The following PIWIL3 variants were observed in gnomAD, a reference collection of about 807,000 sequenced individuals.
The protein encoded by PIWIL3 is piwi like RNA-mediated gene silencing 3.
PIWIL3 carries 101 observed loss-of-function variants against 109.7 expected under a neutral mutation model. The ratio of observed to expected loss-of-function variants is 0.92; its 90% CI spans 0.78 to 1.09. The LOEUF (loss-of-function observed/expected upper bound fraction) is 1.09, where lower values mean the gene tolerates loss of function less well. Ranked by LOEUF, PIWIL3 falls within the 50% of genes least tolerant of loss-of-function variation. The probability of loss-of-function intolerance (pLI) is 0.00; values close to 1 mark genes in which losing one functional copy is unlikely to be tolerated. For missense variants in PIWIL3, 1,031 were observed against 1,072.6 expected (o/e 0.96, Z 0.54); for synonymous variants, 373 against 376.4 (o/e 0.99, Z 0.10).
Position 24,768,290 on chromosome 22 carries a change from GC to G in PIWIL3, c.-22-5770del, listed in dbSNP as rs536168762. Among the ~76,000 whole-genome samples, 19 of 148,686 alleles carry G rather than the reference GC, an allele frequency of 1.3e-4. 1 individual carries two copies. In the South Asian group the frequency reaches 4.1e-3, roughly 32 times the overall value. On this transcript the variant is annotated intron_variant, in intron 1 of 20. Transcript: ENST00000616349. ...TCTTGAGATGGAGTCTTGCTCTGTT[GC>G]CCAGGCTGGAGTGAGTGCAGTGACA...
At position 24,735,719 on chromosome 22, in the gene PIWIL3, T is replaced by G. The variant is rs1012096615; in HGVS notation, c.1623A>C (p.Lys541Asn). 8.1e-6 allele frequency: 13 copies of G among 1,596,170 alleles called. No individual in the cohort carries two copies. Among genetic ancestry groups the G allele is most frequent in the African/African-American group, 1.4e-5 (1 of 73,846 alleles). ...TCTGCTCTACTTACATTTCTGCTGGTTTCATAGTTATGCCCATGGGGGCTG... is the reference window on the plus strand; with the variant it reads ...TCTGCTCTACTTACATTTCTGCTGGGTTCATAGTTATGCCCATGGGGGCTG... The part of the protein sequence containing the change: ...SVTAPMGITM[K>N]PAEMIEVDGD... Residue 541 changes from lysine to asparagine, a missense_variant, in exon 13 of 21, where the codon AAA becomes AAC. By Grantham distance (94) the Lys-to-Asn change is moderately conservative. Coordinates refer to ENST00000616349, the MANE Select transcript of PIWIL3 (RefSeq NM_001255975.1).
At chr22:24,768,300 G>C (rs972000220) in intron 1 of PIWIL3, among the ~76,000 whole-genome samples, 1 of 151,532 alleles carries the variant, frequency 6.6e-6, no homozygotes, top group Non-Finnish European at 1.5e-5. Context: ...GCCCAGGCTG[G>C]AGTGAGTGCA....
intron 20 of PIWIL3, 49 bp from the exon 21 acceptor site, chr22:24,719,637 C>T (rs1429496654): frequency 1.7e-5 from 26 of 1,535,254 alleles, no homozygotes; most frequent in Admixed American, 1.2e-4. Flanking sequence ...CACTTTACAT[C>T]TACTTTCCCT....
intron 16 of PIWIL3, among the ~76,000 whole-genome samples, chr22:24,726,605 T>C (rs1222123961): frequency 6.6e-6 from 1 of 152,216 alleles, no homozygotes. Context: ...TTTTCATAAT[T>C]TTTTGGAAGT....
chr22:24,741,884 A>C (rs368792689), intron 12 of PIWIL3, among the ~76,000 whole-genome samples: 6 of 151,458 alleles, frequency 4.0e-5, no homozygotes, highest in African/African-American at 1.5e-4. Flanking sequence ...ACATAGTACT[A>C]TAAGTCCTAG....
rs529398051 is a variant in PIWIL3, at chr22:24,740,558, A to G, written c.1450-4666T>C. 1.8e-3 allele frequency among the ~76,000 whole-genome samples: 280 copies of G among 151,458 alleles called. 8 individuals carry two copies. Among genetic ancestry groups the G allele is most frequent in the African/African-American group, 6.3e-3 (262 of 41,386 alleles). ...GCAAGACTCCATCTCAAAAAAAAAAAAAAGAAAGAAACTGGAGATATTACA... is the reference window on the plus strand; with the variant it reads ...GCAAGACTCCATCTCAAAAAAAAAAGAAAGAAAGAAACTGGAGATATTACA... On this transcript the variant is annotated intron_variant, in intron 12 of 20. Coordinates refer to ENST00000616349, the MANE Select transcript of PIWIL3 (RefSeq NM_001255975.1).
intron 12 of PIWIL3, among the ~76,000 whole-genome samples, chr22:24,747,463 C>T (rs1280534817): frequency 6.6e-6 from 1 of 152,086 alleles, no homozygotes; most frequent in East Asian, 1.9e-4. Flanking sequence ...TGTAGGATCA[C>T]ATCAAGTTAA....
chr22:24,726,571 C>T (rs563041306), intron 16 of PIWIL3, among the ~76,000 whole-genome samples: 4 of 152,290 alleles, frequency 2.6e-5, no homozygotes, highest in Admixed American at 6.5e-5. Context: ...AGGCGTGAGC[C>T]GCCGCACCCG....
At chr22:24,720,868 C>T (rs1275077007) in intron 19 of PIWIL3, among the ~76,000 whole-genome samples, 2 of 152,164 alleles carry the variant, frequency 1.3e-5, no homozygotes, top group Non-Finnish European at 2.9e-5. Flanking sequence ...ATCATTTTCC[C>T]TGGTAACTAA....
intron 1 of PIWIL3, among the ~76,000 whole-genome samples, chr22:24,764,373 T>C (rs1357099929): frequency 1.3e-5 from 2 of 152,154 alleles, no homozygotes; most frequent in Non-Finnish European, 2.9e-5. Context: ...GATGCAGCCA[T>C]TACCACTTAG....
chr22:24,767,032 T>A (rs1925836584), intron 1 of PIWIL3, among the ~76,000 whole-genome samples: 1 of 151,316 alleles, frequency 6.6e-6, no homozygotes, highest in Middle Eastern at 3.2e-3. Flanking sequence ...GCTTGGGAGG[T>A]TGAGGCAGGA....
chr22:24,725,831 C>G (rs1404999409), intron 16 of PIWIL3, among the ~76,000 whole-genome samples: 1 of 127,320 alleles, frequency 7.9e-6, no homozygotes, highest in Non-Finnish European at 1.9e-5. Context: ...TGTGCTCCCC[C>G]TGGTTCCTGC....
chr22:24,737,915 C>T (rs1324132837), intron 12 of PIWIL3, among the ~76,000 whole-genome samples: 1 of 152,168 alleles, frequency 6.6e-6, no homozygotes, highest in African/African-American at 2.4e-5. Flanking sequence ...AATCCCAGGA[C>T]TTTGGGAGGC....
At chr22:24,770,673 A>C (rs955192372) in intron 1 of PIWIL3, among the ~76,000 whole-genome samples, 32 of 134,188 alleles carry the variant, frequency 2.4e-4, no homozygotes, top group African/African-American at 7.4e-4. Flanking sequence ...AAAAAAAAAA[A>C]AAAAAACAAA....
At position 24,759,966 on chromosome 22, in the gene PIWIL3, C is replaced by T. The variant is rs745702305; in HGVS notation, c.126G>A (p.Gln42=). 80 of 1,614,138 alleles carry T rather than the reference C, an allele frequency of 5.0e-5. No homozygotes were observed. Among genetic ancestry groups the T allele is most frequent in the Non-Finnish European group, 6.7e-5 (79 of 1,180,030 alleles). Reference sequence around the variant, plus strand: ...CCTCCTGCAGCGGCCGGGGTGTCGACTGCAACTGAGGGGGCTCCTGGGTCT... The same window carrying T: ...CCTCCTGCAGCGGCCGGGGTGTCGATTGCAACTGAGGGGGCTCCTGGGTCT... ...SATTQEPPQL[Q]STPRPLQEEV... is the part of the protein sequence containing the mutation. Residue 42 remains glutamine (Q), a synonymous_variant, in exon 3 of 21, where the codon CAG becomes CAA. Transcript: ENST00000616349.
chr22:24,751,263 A>T, intron 9 of PIWIL3, 124 bp downstream of exon 9: 1 of 991,940 alleles, frequency 1.0e-6, no homozygotes, highest in Non-Finnish European at 1.5e-6. Flanking sequence ...AAGTCAAGCT[A>T]TAATCCCCTA....
intron 8 of PIWIL3, among the ~76,000 whole-genome samples, chr22:24,752,442 G>A (rs1354331397): frequency 6.6e-6 from 1 of 152,070 alleles, no homozygotes; most frequent in Non-Finnish European, 1.5e-5. Flanking sequence ...CCTCTTCGCA[G>A]GCTATGTAAA....
At chr22:24,762,191 A>T (rs1030339724) in intron 2 of PIWIL3, 1 of 1,000,708 alleles carries the variant, frequency 1.0e-6, no homozygotes, top group Non-Finnish European at 1.3e-6. Flanking sequence ...CACATGTGAA[A>T]ATGTGAGAAG....
intron 16 of PIWIL3, among the ~76,000 whole-genome samples, chr22:24,726,347 A>G (rs1222016687): frequency 6.7e-6 from 1 of 149,032 alleles, no homozygotes; most frequent in Admixed American, 6.8e-5. Flanking sequence ...CAGTGGCGTG[A>G]TCTTGGCTCA....
Sources: allele counts gnomAD v4.1 joint callset (sites outside exome capture counted in the v4.1 genomes callset), GRCh38; gene constraint gnomAD v4.1.1; transcripts MANE v1.5; gene names NCBI Gene and HGNC (gene_info 2026-07-23, HGNC 2026-07-21).